The following SYN3 variants were observed in gnomAD, a reference collection of about 807,000 sequenced individuals.
SYN3 encodes the protein synapsin-3.
SYN3 carries 35 observed loss-of-function variants against 65.8 expected under a neutral mutation model. The observed-to-expected ratio is 0.53, with a 90% CI of 0.41 to 0.70. SYN3 has a LOEUF of 0.70. Among genes scored for constraint, SYN3 ranks in the 30% least tolerant of loss-of-function variants. SYN3 has a pLI of 0.00. For synonymous variants in SYN3, 270 were observed against 292.9 expected, an observed-to-expected ratio of 0.92 and a Z score of 0.80; for missense variants, 680 against 749.0, an observed-to-expected ratio of 0.91 and a Z score of 1.08.
intron 2 of SYN3, among the ~76,000 whole-genome samples, chr22:32,983,988 T>C (rs2052445474): frequency 6.6e-6 from 1 of 151,586 alleles, no homozygotes. Context: ...TGAAACCCCA[T>C]CTCTACTAAA....
intron 6 of SYN3, among the ~76,000 whole-genome samples, chr22:32,657,129 T>C (rs1184874862): frequency 6.7e-6 from 1 of 149,554 alleles, no homozygotes; most frequent in Non-Finnish European, 1.5e-5. Flanking sequence ...TCTCTTTTCT[T>C]TTTTTTCTTT....
chr22:32,654,778 G>A (rs1179214331), intron 6 of SYN3, among the ~76,000 whole-genome samples: 4 of 152,264 alleles, frequency 2.6e-5, no homozygotes, highest in South Asian at 2.1e-4. Flanking sequence ...CCACGTGTTC[G>A]GCAGCCATTT....
Position 32,618,053 on chromosome 22 carries a change from C to G in SYN3, c.712-21317G>C, listed in dbSNP as rs113944740. On this transcript the variant is annotated intron_variant, in intron 6 of 13. Transcript: ENST00000358763. ...AGGTGTAGCCACATCACGCCTATCT[C>G]AGTCCCTTCTTATCCCCGGAGCCTG... 4.1e-3 allele frequency among the ~76,000 whole-genome samples: 623 copies of G among 152,256 alleles called. 4 individuals are homozygous for G. Among genetic ancestry groups the G allele is most frequent in the South Asian group, 0.017 (82 of 4,816 alleles).
intron 1 of SYN3, among the ~76,000 whole-genome samples, chr22:33,033,866 C>T (rs1468647548): frequency 6.6e-6 from 1 of 152,068 alleles, no homozygotes; most frequent in African/African-American, 2.4e-5. Context: ...CACAGGTCTC[C>T]AAGGTACAAT....
chr22:32,621,133 G>A (rs2059587789), intron 6 of SYN3, among the ~76,000 whole-genome samples: 1 of 152,170 alleles, frequency 6.6e-6, no homozygotes, highest in South Asian at 2.1e-4. Flanking sequence ...ATTTACACCA[G>A]ATCCCTCCAT....
chr22:32,677,326 C>G (rs2060459856), intron 6 of SYN3, among the ~76,000 whole-genome samples: 1 of 152,146 alleles, frequency 6.6e-6, no homozygotes, highest in Non-Finnish European at 1.5e-5. Flanking sequence ...TCCAAATGCG[C>G]TAGTATGTAA....
At chr22:32,650,076 C>T (rs542596206) in intron 6 of SYN3, among the ~76,000 whole-genome samples, 5 of 152,138 alleles carry the variant, frequency 3.3e-5, no homozygotes, top group African/African-American at 9.7e-5. Context: ...CCAATTCCCC[C>T]GCTCTGTGAG....
At chr22:32,640,355 C>T (rs983713265) in intron 6 of SYN3, among the ~76,000 whole-genome samples, 5 of 152,196 alleles carry the variant, frequency 3.3e-5, no homozygotes, top group African/African-American at 1.2e-4. Context: ...CACAAGATGG[C>T]TGTTTAGAAA....
intron 7 of SYN3, among the ~76,000 whole-genome samples, chr22:32,551,327 C>A (rs1450335038): frequency 6.6e-6 from 1 of 152,054 alleles, no homozygotes; most frequent in African/African-American, 2.4e-5. Context: ...AAGATAATGG[C>A]CCCTACCCCC....
chr22:32,954,379 C>T (rs2051382885), intron 3 of SYN3, among the ~76,000 whole-genome samples: 1 of 152,124 alleles, frequency 6.6e-6, no homozygotes, highest in Non-Finnish European at 1.5e-5. Flanking sequence ...ACAAATTTTG[C>T]TAACTGCAAT....
intron 3 of SYN3, chr22:32,947,724 A>T (rs1297716388): frequency 1.3e-5 from 2 of 152,234 alleles, no homozygotes; most frequent in Non-Finnish European, 2.9e-5. Context: ...GAACGTGAAT[A>T]TCATTCTACA....
chr22:32,788,552 T>A (rs549440687), intron 6 of SYN3, among the ~76,000 whole-genome samples: 2,968 of 145,196 alleles, frequency 0.02, 100 homozygotes, highest in African/African-American at 0.07. Context: ...AAAAAAAAAA[T>A]AATAATAATA....
chr22:32,946,588 G>A (rs1010972789), intron 3 of SYN3, among the ~76,000 whole-genome samples: 2 of 152,058 alleles, frequency 1.3e-5, no homozygotes, highest in East Asian at 3.9e-4. Flanking sequence ...TATACCTAAT[G>A]TAAATGATGA....
In SYN3 at chr22:32,509,742, A is replaced by G. The variant is rs1187294083; in HGVS notation, c.*3950T>C. ...CGCTACCACGCCCGGCTAATTTTTT[A>G]TATTTTTAGTAGAGATGGGGTTTCA... is the stretch of plus-strand genomic sequence containing the variant. On this transcript the variant is annotated 3_prime_UTR_variant, in exon 14 of 14. Coordinates refer to ENST00000358763, the MANE Select transcript of SYN3 (RefSeq NM_003490.4). 6.6e-6 allele frequency among the ~76,000 whole-genome samples: 1 copy of G among 151,730 alleles called. No individual in the cohort carries two copies. Among genetic ancestry groups the G allele is most frequent in the Non-Finnish European group, 1.5e-5 (1 of 67,954 alleles).
rs1191853591 is a variant in SYN3, at chr22:32,801,200, G to C, written c.711+63715C>G. Among the ~76,000 whole-genome samples the C allele has an allele frequency of 6.6e-6, 1 of 152,192 alleles. No homozygotes were observed. Among genetic ancestry groups the C allele is most frequent in the Non-Finnish European group, 1.5e-5 (1 of 68,028 alleles). Reference sequence around the variant, plus strand: ...GAGAGAGAGAAAGAGAGAGAGTTTGGGTCTTTCTCCTCTGTGCCTGCTCTC... The same window carrying C: ...GAGAGAGAGAAAGAGAGAGAGTTTGCGTCTTTCTCCTCTGTGCCTGCTCTC... On this transcript the variant is annotated intron_variant, in intron 6 of 13. Transcript: ENST00000358763. This position sits in a 1 kb window ranked among gnomAD's most constrained non-coding sequence, Gnocchi z 4.7.
intron 1 of SYN3, among the ~76,000 whole-genome samples, chr22:33,046,507 C>G (rs2054067156): frequency 6.6e-6 from 1 of 152,028 alleles, no homozygotes; most frequent in South Asian, 2.1e-4. Flanking sequence ...ATCACAAGGT[C>G]AGGAGTTCGA....
intron 7 of SYN3, among the ~76,000 whole-genome samples, chr22:32,555,258 C>T (rs943545128): frequency 2.0e-5 from 3 of 152,164 alleles, no homozygotes; most frequent in Non-Finnish European, 1.5e-5. Flanking sequence ...AAGCTGAAGG[C>T]TAATAGGGAA....
chr22:32,812,318 G>C (rs1258205455), intron 6 of SYN3, among the ~76,000 whole-genome samples: 1 of 152,186 alleles, frequency 6.6e-6, no homozygotes, highest in Non-Finnish European at 1.5e-5. Context: ...TTCTGTGGTT[G>C]CAAAAGTGGA....
chr22:32,793,176 G>A (rs553943481), intron 6 of SYN3, among the ~76,000 whole-genome samples: 1 of 152,322 alleles, frequency 6.6e-6, no homozygotes, highest in Admixed American at 6.5e-5. Context: ...GAGTTGCAGA[G>A]CAGGGAGATG....
Sources: allele counts gnomAD v4.1 joint callset (sites outside exome capture counted in the v4.1 genomes callset), GRCh38; gene constraint gnomAD v4.1.1; non-coding constraint Gnocchi (gnomAD v3.1); transcripts MANE v1.5; gene names NCBI Gene and HGNC (gene_info 2026-07-23, HGNC 2026-07-21).